The following PRELID2 variants were observed in gnomAD, a reference collection of about 807,000 sequenced individuals.
PRELID2 encodes the protein PRELI domain containing 2.
PRELID2 carries 25 observed loss-of-function variants against 28.4 expected under a neutral mutation model. The observed-to-expected ratio is 0.88, with a 90% CI of 0.64 to 1.23. The LOEUF is 1.23. Ranked by LOEUF, PRELID2 falls within the 50% of genes most tolerant of loss-of-function variation. The pLI, the probability that PRELID2 is intolerant of heterozygous loss-of-function variation, is 0.00. For synonymous variants in PRELID2, 76 were observed against 71.6 expected (o/e 1.06, Z -0.31); for missense variants, 201 against 214.4 (o/e 0.94, Z 0.39).
chr5:145,363,563 T>C, the PRELID2 span, among the ~76,000 whole-genome samples: 1 of 152,104 alleles, frequency 6.6e-6, no homozygotes, highest in African/African-American at 2.4e-5. Flanking sequence ...ATTCCTTAAA[T>C]GTCTAATGTT....
intron 4 of PRELID2, among the ~76,000 whole-genome samples, chr5:145,809,948 AT>A (rs1392240655): frequency 1.3e-5 from 2 of 152,250 alleles, no homozygotes; most frequent in African/African-American, 4.8e-5. Context: ...CCCACATGGC[AT>A]AACAAATACC....
intron 4 of PRELID2, among the ~76,000 whole-genome samples, chr5:145,811,666 G>A (rs552592271): frequency 2.0e-5 from 3 of 152,256 alleles, no homozygotes; most frequent in African/African-American, 7.2e-5. Flanking sequence ...AGGCCTGGAG[G>A]GAGTCAGGTT....
chr5:145,347,028 A>ATG, the PRELID2 span, among the ~76,000 whole-genome samples: 1 of 152,120 alleles, frequency 6.6e-6, no homozygotes, highest in Non-Finnish European at 1.5e-5. Flanking sequence ...TAAAGCTTCT[A>ATG]TGTGTGTATC....
chr5:145,702,546 A>G (rs1369057140), intron 1 of PRELID2, among the ~76,000 whole-genome samples: 1 of 152,156 alleles, frequency 6.6e-6, no homozygotes. Context: ...GAAAGAAAAA[A>G]ACTCTGACAG....
the PRELID2 span, among the ~76,000 whole-genome samples, chr5:145,415,544 C>A: frequency 5.0e-3 from 715 of 144,248 alleles, 8 homozygotes; most frequent in African/African-American, 0.017. Flanking sequence ...GGTTTTTTGT[C>A]CTTGCGATAG....
At chr5:145,722,908 C>A (rs938064473) in intron 1 of PRELID2, among the ~76,000 whole-genome samples, 1 of 151,990 alleles carries the variant, frequency 6.6e-6, no homozygotes, top group East Asian at 1.9e-4. Context: ...CAAGGCTATA[C>A]CCCCCAAAAA....
chr5:145,295,241 G>A, the PRELID2 span, among the ~76,000 whole-genome samples: 2 of 152,154 alleles, frequency 1.3e-5, no homozygotes, highest in East Asian at 3.9e-4. Context: ...TTTCTAAGTT[G>A]CCTCTGATGA....
chr5:145,352,307 C>T, the PRELID2 span, among the ~76,000 whole-genome samples: 11 of 152,204 alleles, frequency 7.2e-5, no homozygotes, highest in African/African-American at 2.4e-4. Context: ...GCAGATGTTA[C>T]CAAACCTCAA....
At chr5:145,421,600 T>G in the PRELID2 span, among the ~76,000 whole-genome samples, 1 of 139,330 alleles carries the variant, frequency 7.2e-6, no homozygotes, top group East Asian at 2.0e-4. Flanking sequence ...CATTTTTTAT[T>G]GCGTCTATTT....
At chr5:145,562,129 G>C (rs1752930034) in intron 1 of PRELID2, among the ~76,000 whole-genome samples, 1 of 152,154 alleles carries the variant, frequency 6.6e-6, no homozygotes. Flanking sequence ...TAATGAATCA[G>C]AATCTAGTGG....
At chr5:145,358,002 T>C in the PRELID2 span, among the ~76,000 whole-genome samples, 1 of 152,038 alleles carries the variant, frequency 6.6e-6, no homozygotes, top group Non-Finnish European at 1.5e-5. Flanking sequence ...TTAATTCTAG[T>C]CTGCTCTTGG....
the PRELID2 span, among the ~76,000 whole-genome samples, chr5:145,408,008 C>A: frequency 1.3e-5 from 2 of 152,078 alleles, no homozygotes; most frequent in East Asian, 1.9e-4. Context: ...CAGCCCAGAG[C>A]CCAGTAGCCC....
the PRELID2 span, among the ~76,000 whole-genome samples, chr5:145,421,824 T>C: frequency 8.6e-5 from 12 of 140,158 alleles, no homozygotes; most frequent in Non-Finnish European, 1.7e-4. Flanking sequence ...ATTGTGATGT[T>C]AGGGTGTCAA....
At chr5:145,685,868 T>C (rs1755027759) in intron 1 of PRELID2, among the ~76,000 whole-genome samples, 1 of 152,124 alleles carries the variant, frequency 6.6e-6, no homozygotes, top group Admixed American at 6.6e-5. Flanking sequence ...TCCTGGACAG[T>C]TTCTGACTCT....
chr5:145,457,824 G>A, the PRELID2 span, among the ~76,000 whole-genome samples: 2 of 152,142 alleles, frequency 1.3e-5, no homozygotes, highest in African/African-American at 4.8e-5. Context: ...CTCTATTGGG[G>A]TTACATATTT....
the PRELID2 span, among the ~76,000 whole-genome samples, chr5:145,374,972 C>A: frequency 0.22 from 32,940 of 152,054 alleles, 3,881 homozygotes; most frequent in South Asian, 0.33. Context: ...ATCTTCCCAA[C>A]CCTTCTTCGT....
intron 1 of PRELID2, among the ~76,000 whole-genome samples, chr5:145,541,918 T>C (rs1752748107): frequency 6.6e-6 from 1 of 152,062 alleles, no homozygotes; most frequent in South Asian, 2.1e-4. Context: ...TATGTAAATA[T>C]ATGTAAGTAG....
intron 1 of PRELID2, among the ~76,000 whole-genome samples, chr5:145,510,003 G>A (rs930398253): frequency 6.6e-6 from 1 of 152,156 alleles, no homozygotes; most frequent in African/African-American, 2.4e-5. Flanking sequence ...GTGTGAAGCT[G>A]CATACAACAT....
the PRELID2 span, among the ~76,000 whole-genome samples, chr5:145,285,391 TC>T: frequency 3.7e-4 from 56 of 152,066 alleles, no homozygotes; most frequent in South Asian, 2.9e-3. Flanking sequence ...TCCCCGAAGC[TC>T]CCCCGCTCCG....
Sources: gnomAD v4.1 joint callset for allele counts (sites outside exome capture counted in the v4.1 genomes callset) on GRCh38, gnomAD v4.1.1 for gene constraint, MANE v1.5 for transcripts, NCBI Gene and HGNC (gene_info 2026-07-23, HGNC 2026-07-21) for gene names.